Variants in BRD10 observed in about 807,000 individuals in gnomAD.
BRD10 encodes the protein bromodomain containing 10.
the BRD10 span, chr9:5,897,664 T>C: frequency 2.5e-6 from 4 of 1,606,930 alleles, no homozygotes; most frequent in Non-Finnish European, 2.6e-6. Context: ...GTTGGTAAAG[T>C]TCCCACTGCT....
chr9:5,974,572 G>C, the BRD10 span, among the ~76,000 whole-genome samples: 442 of 152,200 alleles, frequency 2.9e-3, 3 homozygotes, highest in African/African-American at 9.8e-3. Flanking sequence ...AGAGTACCCA[G>C]CTAAGGCCCA....
At chr9:5,900,751 G>C in the BRD10 span, among the ~76,000 whole-genome samples, 12 of 152,192 alleles carry the variant, frequency 7.9e-5, no homozygotes, top group Non-Finnish European at 1.6e-4. Flanking sequence ...GAAAGGAAAG[G>C]CTGCTTTTTG....
the BRD10 span, among the ~76,000 whole-genome samples, chr9:5,993,298 G>C: frequency 1.6e-4 from 21 of 131,898 alleles, no homozygotes; most frequent in African/African-American, 5.9e-4. Flanking sequence ...CTGGGTGACA[G>C]AGTGAGACTC....
chr9:6,006,210 A>G, the BRD10 span, among the ~76,000 whole-genome samples: 1 of 152,226 alleles, frequency 6.6e-6, no homozygotes, highest in Non-Finnish European at 1.5e-5. Context: ...TTGATTTCAC[A>G]TTTATTAACT....
the BRD10 span, chr9:5,944,968 A>G: frequency 5.1e-6 from 7 of 1,375,304 alleles, no homozygotes; most frequent in East Asian, 1.8e-4. Context: ...AAGCTAAAAT[A>G]AAACACAAAA....
the BRD10 span, chr9:5,922,822 T>G: frequency 1.2e-6 from 2 of 1,613,998 alleles, no homozygotes; most frequent in Admixed American, 3.3e-5. Flanking sequence ...AAGGACCTTT[T>G]GTATTGGTGT....
the BRD10 span, among the ~76,000 whole-genome samples, chr9:5,999,417 A>C: frequency 6.6e-6 from 1 of 152,148 alleles, no homozygotes; most frequent in Non-Finnish European, 1.5e-5. Context: ...AGTCAAACGC[A>C]ATACTTTTAA....
At chr9:5,982,238 C>T in the BRD10 span, among the ~76,000 whole-genome samples, 1 of 152,138 alleles carries the variant, frequency 6.6e-6, no homozygotes, top group African/African-American at 2.4e-5. Context: ...CTGCAAGCAG[C>T]TACAAACTGA....
chr9:5,882,023 C>T, the BRD10 span, among the ~76,000 whole-genome samples: 2 of 152,168 alleles, frequency 1.3e-5, no homozygotes, highest in African/African-American at 2.4e-5. Flanking sequence ...AGAATATGAA[C>T]GGGGAGCTCC....
the BRD10 span, among the ~76,000 whole-genome samples, chr9:5,981,082 T>C: frequency 2.0e-5 from 3 of 152,240 alleles, no homozygotes; most frequent in East Asian, 1.9e-4. Flanking sequence ...ACAGATTAGA[T>C]TGTTTGCCTC....
the BRD10 span, among the ~76,000 whole-genome samples, chr9:5,964,667 CAAT>C: frequency 2.5e-4 from 36 of 145,210 alleles, no homozygotes; most frequent in East Asian, 3.2e-3. Context: ...AAATGTCCAA[CAAT>C]GATAGACTGG....
the BRD10 span, among the ~76,000 whole-genome samples, chr9:5,950,548 A>G: frequency 2.6e-5 from 4 of 152,186 alleles, no homozygotes; most frequent in Non-Finnish European, 5.9e-5. Context: ...GATTACTGGT[A>G]CCCACTGAAT....
the BRD10 span, among the ~76,000 whole-genome samples, chr9:5,973,585 C>G: frequency 1.3e-5 from 2 of 152,216 alleles, no homozygotes; most frequent in South Asian, 4.1e-4. Context: ...AAATCAATAT[C>G]TAACATACAA....
the BRD10 span, among the ~76,000 whole-genome samples, chr9:5,993,711 T>C: frequency 6.6e-6 from 1 of 152,214 alleles, no homozygotes; most frequent in Non-Finnish European, 1.5e-5. Flanking sequence ...CTGTCCTCTC[T>C]GTCCTCCTGT....
the BRD10 span, among the ~76,000 whole-genome samples, chr9:5,966,239 A>G: frequency 6.6e-6 from 1 of 152,118 alleles, no homozygotes; most frequent in Non-Finnish European, 1.5e-5. Context: ...TCATTTTTCT[A>G]GAACTGGATA....
chr9:5,974,020 C>A, the BRD10 span, among the ~76,000 whole-genome samples: 4 of 152,184 alleles, frequency 2.6e-5, no homozygotes, highest in African/African-American at 9.6e-5. Flanking sequence ...AACTAATGGG[C>A]ACAAATCTTC....
chr9:5,975,496 T>C, the BRD10 span, among the ~76,000 whole-genome samples: 6 of 149,674 alleles, frequency 4.0e-5, no homozygotes, highest in South Asian at 4.3e-4. Context: ...AAAGTAGTTA[T>C]TGAAACTATA....
chr9:5,921,590 G>A, the BRD10 span: 234 of 1,613,818 alleles, frequency 1.4e-4, no homozygotes, highest in Non-Finnish European at 1.9e-4. Context: ...TTTCTGAACT[G>A]GAGTCCCACT....
chr9:5,896,812 C>T, the BRD10 span, among the ~76,000 whole-genome samples: 1 of 152,156 alleles, frequency 6.6e-6, no homozygotes, highest in Non-Finnish European at 1.5e-5. Context: ...TGGTGTAGAC[C>T]CCCAGATTGG....
Sources: gnomAD v4.1 joint callset for allele counts (sites outside exome capture counted in the v4.1 genomes callset) on GRCh38, gnomAD v4.1.1 for gene constraint, MANE v1.5 for transcripts, NCBI Gene and HGNC (gene_info 2026-07-23, HGNC 2026-07-21) for gene names.